USP44: variants seen among roughly 807,000 people sequenced by gnomAD.
USP44 encodes ubiquitin specific peptidase 44.
A neutral mutation model predicts 69.0 loss-of-function variants in USP44; 61 were observed. The observed-to-expected ratio is 0.88, with a 90% confidence interval of 0.72 to 1.09. The LOEUF (loss-of-function observed/expected upper bound fraction) is 1.09. USP44 is among the 50% of genes least tolerant of loss of function. The pLI, the probability that USP44 is intolerant of heterozygous loss-of-function variation, is 0.00. For missense variants in USP44, 753 were observed against 849.9 expected, an observed-to-expected ratio of 0.89 and a Z score of 1.42; for synonymous variants, 297 against 295.4, an observed-to-expected ratio of 1.01 and a Z score of -0.06.
chr12:95,529,784 C>T (rs1435602992), intron 2 of USP44, among the ~76,000 whole-genome samples: 7 of 152,118 alleles, frequency 4.6e-5, no homozygotes, highest in African/African-American at 1.7e-4. Flanking sequence ...TAACCCAATC[C>T]AATCTTAACC....
At chr12:95,536,989 G>T (rs2077226950) in intron 1 of USP44, among the ~76,000 whole-genome samples, 1 of 152,148 alleles carries the variant, frequency 6.6e-6, no homozygotes, top group Admixed American at 6.5e-5. Flanking sequence ...CAGAGCCACT[G>T]AAGAAATCTG....
Position 95,533,722 on chromosome 12 carries a change from GTTC to G in USP44, c.532_534del (p.Glu178del). ...TTTACTACTATTTTTTCCTGAAATG[GTTC>G]TTCTTGCTTTTTTCTTCCAATGGGT... On this transcript the variant is annotated inframe_deletion, in exon 2 of 6. Transcript: ENST00000258499. The G allele has an allele frequency of 6.2e-7, 1 of 1,613,760 alleles. No homozygotes were observed. The highest frequency in any genetic ancestry group is 8.5e-7 in the Non-Finnish European group (1 of 1,179,964).
chr12:95,543,304 G>A lies in USP44; in HGVS notation c.-71+7968C>T, dbSNP rs199776910. On this transcript the variant is annotated intron_variant, in intron 1 of 5. Transcript: ENST00000258499. ...TAGTCCCAGCTACTCGGGAGGCTGA[G>A]TCAGGAGAATCACTTGAACCTGGGA... Among the ~76,000 whole-genome samples, 23 of 150,030 alleles carry A rather than the reference G, an allele frequency of 1.5e-4. No homozygotes were observed. The East Asian group carries it at 4.6e-3, about 30-fold the overall frequency.
At chr12:95,540,913 A>T (rs2077365530) in intron 1 of USP44, among the ~76,000 whole-genome samples, 1 of 152,196 alleles carries the variant, frequency 6.6e-6, no homozygotes, top group South Asian at 2.1e-4. Flanking sequence ...AAAGCAAAAC[A>T]TATTCATTAC....
intron 1 of USP44, among the ~76,000 whole-genome samples, chr12:95,541,471 C>T (rs937528248): frequency 2.0e-5 from 3 of 151,766 alleles, no homozygotes; most frequent in South Asian, 2.1e-4. Flanking sequence ...CCCAGCTACT[C>T]GGGGGGCTGA....
rs756915848 is a variant in USP44, at chr12:95,524,686, C to T, written c.1727G>A (p.Arg576Gln). Reference protein sequence around the residue: ...LPQVLRLHLKRFRWSGRNNRE... With the variant: ...LPQVLRLHLKQFRWSGRNNRE... ...AACTGGTCCTACTACAGACCTGAAT[C>T]GTTTGAGGTGCAGTCTGAGAACCTG... is the stretch of plus-strand genomic sequence containing the variant. Residue 576 changes from arginine (R) to glutamine (Q), a missense_variant, in exon 4 of 6, where the codon CGA becomes CAA. By Grantham distance (43) the Arg-to-Gln change is conservative (BLOSUM62 1). Transcript: ENST00000258499. 6.8e-6 allele frequency: 11 copies of T among 1,607,640 alleles called. No homozygotes were observed. Among genetic ancestry groups the T allele is most frequent in the South Asian group, 3.4e-5 (3 of 89,470 alleles).
At chr12:95,543,406 C>CAAAAAA (rs60127958) in intron 1 of USP44, among the ~76,000 whole-genome samples, 1,059 of 37,460 alleles carry the variant, frequency 0.028, no homozygotes, top group Non-Finnish European at 0.039. Context: ...GACTCTTTCT[C>CAAAAAA]AAAAAAAAAA....
chr12:95,547,525 C>A (rs1025397909), intron 1 of USP44, among the ~76,000 whole-genome samples: 1 of 152,200 alleles, frequency 6.6e-6, no homozygotes, highest in Non-Finnish European at 1.5e-5. Context: ...ATGAAATATT[C>A]TCTAAGCATG....
Position 95,527,346 on chromosome 12 carries a change from C to T in USP44, c.1624+1461G>A, listed in dbSNP as rs199537392. Among the ~76,000 whole-genome samples the T allele has an allele frequency of 1.2e-4, 19 of 152,064 alleles. No individual in the cohort carries two copies. The East Asian group carries it at 3.7e-3, about 29-fold the overall frequency. On this transcript the variant is annotated intron_variant, in intron 3 of 5. Transcript: ENST00000258499. Reference sequence around the variant, plus strand: ...CTGACCTCAGGTGATCTGCCCACCTCAGCCTCCCAAAGTGCTGGGATTACA... The same window carrying T: ...CTGACCTCAGGTGATCTGCCCACCTTAGCCTCCCAAAGTGCTGGGATTACA...
chr12:95,540,862 T>C (rs1012126337), intron 1 of USP44, among the ~76,000 whole-genome samples: 1 of 152,224 alleles, frequency 6.6e-6, no homozygotes, highest in Admixed American at 6.5e-5. Context: ...CTTTAACTCT[T>C]TTTTTGATGA....
At chr12:95,531,012 A>T (rs1414431344) in intron 2 of USP44, among the ~76,000 whole-genome samples, 1 of 151,946 alleles carries the variant, frequency 6.6e-6, no homozygotes, top group Admixed American at 6.6e-5. Context: ...AAAACACAAA[A>T]AATTGGCTGG....
chr12:95,524,217 A>T (rs1383599271), intron 4 of USP44, among the ~76,000 whole-genome samples: 1 of 151,914 alleles, frequency 6.6e-6, no homozygotes, highest in Non-Finnish European at 1.5e-5. Flanking sequence ...AGCAGCTAGG[A>T]TTACAGGCAT....
chr12:95,538,132 G>C (rs183296283), intron 1 of USP44, among the ~76,000 whole-genome samples: 1 of 152,244 alleles, frequency 6.6e-6, no homozygotes, highest in Admixed American at 6.5e-5. Flanking sequence ...CATGGTAGAA[G>C]AGAGGGATTA....
intron 2 of USP44, 85 bp from the exon 3 acceptor site, chr12:95,529,087 T>A: frequency 8.3e-7 from 1 of 1,210,196 alleles, no homozygotes; most frequent in Non-Finnish European, 1.1e-6. Context: ...TGCCACTAAA[T>A]AAACTTTTCT....
chr12:95,527,432 C>G lies in USP44; in HGVS notation c.1624+1375G>C, dbSNP rs1170836390. Among the ~76,000 whole-genome samples the G allele has an allele frequency of 2.6e-5, 4 of 152,138 alleles. No individual in the cohort carries two copies. The East Asian group carries it at 7.8e-4, about 29-fold the overall frequency. ...TTATTATGCCTTTGCATCCTCATAGCTTAACTCCCACTACATATACACATC... is the reference window on the plus strand; with the variant it reads ...TTATTATGCCTTTGCATCCTCATAGGTTAACTCCCACTACATATACACATC... On this transcript the variant is annotated intron_variant, in intron 3 of 5. Transcript: ENST00000258499.
rs1406525812 is a variant in USP44, at chr12:95,548,172, G to C, written c.-71+3100C>G. 1 of 152,234 alleles carries C rather than the reference G, an allele frequency of 6.6e-6. No individual in the cohort carries two copies. The highest frequency in any genetic ancestry group is 1.5e-5 in the Non-Finnish European group (1 of 68,076). 9.4% of individuals were successfully genotyped at this position (152,234 alleles called of 1,614,324 possible). A position where few individuals can be genotyped will look rare whatever the true frequency, so the allele number is the denominator to read the frequency against. On this transcript the variant is annotated intron_variant, in intron 1 of 5. Transcript: ENST00000258499. This position sits in a 1 kb window ranked among gnomAD's most constrained non-coding sequence, Gnocchi z 4.1. ...CAGCGCGGGGACCGATCGATGGAGA[G>C]AAGGCGGGCAAGACGCCGGGAAGCG...
chr12:95,532,350 T>G (rs916443367), intron 2 of USP44, among the ~76,000 whole-genome samples: 4 of 152,084 alleles, frequency 2.6e-5, no homozygotes, highest in Non-Finnish European at 5.9e-5. Flanking sequence ...GTATTTTTAG[T>G]AGAGATGGGG....
rs1592716203 is a variant in USP44, at chr12:95,534,706, T to C, written c.-70-380A>G. 2.6e-5 allele frequency among the ~76,000 whole-genome samples: 4 copies of C among 151,152 alleles called. 1 individual carries two copies. Among genetic ancestry groups the C allele is most frequent in the Admixed American group, 2.6e-4 (4 of 15,118 alleles). ...TTTTTTTTTTTTTGAGACAGAGTCT[T>C]GCTCTGTGGCCCAGGCTGGAGTGCA... On this transcript the variant is annotated intron_variant, in intron 1 of 5. Coordinates refer to ENST00000258499, the MANE Select transcript of USP44 (RefSeq NM_032147.5).
intron 1 of USP44, among the ~76,000 whole-genome samples, chr12:95,544,635 CAAATT>C (rs1202739524): frequency 3.3e-5 from 5 of 151,706 alleles, no homozygotes; most frequent in Non-Finnish European, 7.4e-5. Flanking sequence ...ACAAAAAAGT[CAAATT>C]AAATTACTAT....
Sources: allele counts gnomAD v4.1 joint callset (sites outside exome capture counted in the v4.1 genomes callset), GRCh38; gene constraint gnomAD v4.1.1; non-coding constraint Gnocchi (gnomAD v3.1); transcripts MANE v1.5; gene names NCBI Gene and HGNC (gene_info 2026-07-23, HGNC 2026-07-21).